FAM111B: variants seen among roughly 807,000 people sequenced by gnomAD.
FAM111B encodes serine protease FAM111B.
In FAM111B, 1 loss-of-function variant was observed where a neutral mutation model predicts 2.8. That is an observed-to-expected ratio of 0.36 (90% CI 0.13 to 1.70). FAM111B has a LOEUF of 1.70. Among genes scored for constraint, FAM111B ranks in the 40% most tolerant of loss-of-function variants. The pLI is 0.35. For synonymous variants in FAM111B, 297 were observed against 295.6 expected, an observed-to-expected ratio of 1.00 and a Z score of -0.05; for missense variants, 882 against 878.9, an observed-to-expected ratio of 1.00 and a Z score of -0.04.
At chr11:59,114,876 G>A (rs1279205757) in intron 3 of FAM111B, among the ~76,000 whole-genome samples, 1 of 152,090 alleles carries the variant, frequency 6.6e-6, no homozygotes, top group African/African-American at 2.4e-5. Flanking sequence ...AATGGCGGAG[G>A]CTGTTTTGGA....
Position 59,125,153 on chromosome 11 carries a change from T to C in FAM111B, c.1056T>C (p.Ser352=). ...GGATTAGAAATTATTACTTTTGTAG[T>C]TTGCCCCGAAAATATAGGCAAATAA... The part of the protein sequence containing the change: ...IPRIRNYYFC[S]LPRKYRQINS... Residue 352 remains serine (S), a synonymous_variant, in exon 4 of 4, where the codon AGT becomes AGC. Transcript: ENST00000343597. 1.2e-6 allele frequency: 2 copies of C among 1,613,938 alleles called. No individual in the cohort carries two copies. The highest frequency in any genetic ancestry group is 1.7e-6 in the Non-Finnish European group (2 of 1,179,866).
chr11:59,109,893 T>A, intron 3 of FAM111B, 187 bp downstream of exon 3: 1 of 380,894 alleles, frequency 2.6e-6, no homozygotes, highest in Non-Finnish European at 4.7e-6. Flanking sequence ...TTAACAATGC[T>A]AAACGTATGT....
chr11:59,112,654 A>G (rs1859777971), intron 3 of FAM111B, among the ~76,000 whole-genome samples: 1 of 152,200 alleles, frequency 6.6e-6, no homozygotes, highest in South Asian at 2.1e-4. Context: ...GTTGTTTCAT[A>G]TTCTTGTCAA....
Position 59,126,828 on chromosome 11 carries a change from T to G in FAM111B, c.*526T>G, listed in dbSNP as rs903905620. On this transcript the variant is annotated 3_prime_UTR_variant, in exon 4 of 4. Transcript: ENST00000343597. ...TTAGTTCAGCCATTGTGGAAAGCAG[T>G]TGGGTGATTTCTAAAAGAACTTAAA... 1.9e-5 allele frequency: 3 copies of G among 160,172 alleles called. No individual in the cohort carries two copies. The highest frequency in any genetic ancestry group is 2.9e-5 in the Non-Finnish European group (2 of 68,048). 9.9% of individuals were successfully genotyped at this position (160,172 alleles called of 1,614,324 possible).
At position 59,124,244 on chromosome 11, in the gene FAM111B, G is replaced by A; in HGVS notation, c.147G>A (p.Lys49=). The A allele has an allele frequency of 6.2e-7, 1 of 1,613,826 alleles. No homozygotes were observed. The highest frequency in any genetic ancestry group is 8.5e-7 in the Non-Finnish European group (1 of 1,179,812). The part of the protein sequence containing the change: ...PVDHCLSGIR[K]CSSTFKLKSE... ...ATCATTGTCTATCTGGCATAAGAAA[G>A]TGTAGCAGCACCTTTAAGCTTAAAA... The change falls in exon 4 of 4, where the codon AAG becomes AAA. Residue 49 remains lysine, a synonymous_variant. Coordinates refer to ENST00000343597, the MANE Select transcript of FAM111B (RefSeq NM_198947.4).
At chr11:59,107,339 G>A (rs576914648) in intron 1 of FAM111B, 43 bp downstream of exon 1, 12 of 152,594 alleles carry the variant, frequency 7.9e-5, no homozygotes, top group African/African-American at 2.6e-4. Flanking sequence ...GGAGTTCTTA[G>A]GGGGATGGCT....
intron 3 of FAM111B, among the ~76,000 whole-genome samples, chr11:59,120,162 T>G (rs1859899194): frequency 6.6e-6 from 1 of 152,134 alleles, no homozygotes; most frequent in South Asian, 2.1e-4. Flanking sequence ...GGCATGAAAA[T>G]GAGACATAAA....
chr11:59,110,256 G>C (rs1255768213), intron 3 of FAM111B, among the ~76,000 whole-genome samples: 1 of 152,154 alleles, frequency 6.6e-6, no homozygotes, highest in Non-Finnish European at 1.5e-5. Flanking sequence ...ATAAACAAGT[G>C]ATTTTAGAGT....
chr11:59,119,635 C>A (rs1476393962), intron 3 of FAM111B, among the ~76,000 whole-genome samples: 1 of 152,084 alleles, frequency 6.6e-6, no homozygotes, highest in African/African-American at 2.4e-5. Context: ...CTATTACTAT[C>A]AAATACATAA....
At chr11:59,109,424 T>C (rs964513959) in intron 2 of FAM111B, 116 bp from the exon 3 acceptor site, 28 of 433,262 alleles carry the variant, frequency 6.5e-5, no homozygotes, top group African/African-American at 3.2e-4. Context: ...TAAATAGCCA[T>C]AGGGCTTACC....
chr11:59,122,726 C>A (rs1398270874), intron 3 of FAM111B, among the ~76,000 whole-genome samples: 1 of 152,086 alleles, frequency 6.6e-6, no homozygotes, highest in African/African-American at 2.4e-5. Flanking sequence ...ATATTAATAT[C>A]TGGAGCTTAG....
intron 3 of FAM111B, among the ~76,000 whole-genome samples, chr11:59,111,250 T>C (rs892932262): frequency 6.6e-6 from 1 of 152,176 alleles, no homozygotes; most frequent in Non-Finnish European, 1.5e-5. Flanking sequence ...ACACAAAACC[T>C]TGTGACTGAG....
chr11:59,117,993 G>A (rs1455525223), intron 3 of FAM111B, among the ~76,000 whole-genome samples: 1 of 152,158 alleles, frequency 6.6e-6, no homozygotes, highest in Non-Finnish European at 1.5e-5. Flanking sequence ...GAATTTTCTG[G>A]GATTTAAATA....
At chr11:59,115,643 CT>C in intron 3 of FAM111B, among the ~76,000 whole-genome samples, 1 of 152,182 alleles carries the variant, frequency 6.6e-6, no homozygotes, top group East Asian at 1.9e-4. Flanking sequence ...ATGATGTATG[CT>C]AATATCATTG....
chr11:59,124,305 C>A lies in FAM111B; in HGVS notation c.208C>A (p.Gln70Lys), dbSNP rs752785914. The A allele has an allele frequency of 9.9e-6, 16 of 1,613,670 alleles. No homozygotes were observed. The highest frequency in any genetic ancestry group is 1.3e-5 in the Non-Finnish European group (15 of 1,179,812). ...VNKHETALEMQNPNLNNKECC... is the reference protein window; with the variant it reads ...VNKHETALEMKNPNLNNKECC... The stretch of plus-strand genomic sequence containing the variant: ...CAAGCATGAAACAGCCCTTGAAATG[C>A]AGAATCCAAATTTGAACAATAAAGA... The change falls in exon 4 of 4, where the codon CAG becomes AAG. Residue 70 changes from glutamine to lysine, a missense_variant. Gln to Lys is a moderately conservative substitution (Grantham distance 53). Coordinates refer to ENST00000343597, the MANE Select transcript of FAM111B (RefSeq NM_198947.4).
At chr11:59,115,026 GGTGCTTGTTGACTGACCAATAGGTCTA>G (rs1211368232) in intron 3 of FAM111B, among the ~76,000 whole-genome samples, 1 of 152,078 alleles carries the variant, frequency 6.6e-6, no homozygotes, top group African/African-American at 2.4e-5. Context: ...GAGATGGGAG[GGTGCTTGTTGACTGACCAATAGGTCTA>G]GTGCTTGTTG....
rs746781268 is a variant in FAM111B, at chr11:59,126,263, A to T, written c.2166A>T (p.Ser722=). 1.3e-6 allele frequency: 2 copies of T among 1,578,966 alleles called. No homozygotes were observed. Among genetic ancestry groups the T allele is most frequent in the Non-Finnish European group, 1.7e-6 (2 of 1,167,564 alleles). The change falls in exon 4 of 4, where the codon TCA becomes TCT. Residue 722 remains serine, a synonymous_variant. Coordinates refer to ENST00000343597, the MANE Select transcript of FAM111B (RefSeq NM_198947.4). ...ATGAAGAGAAAGGTAAACAAGAGTC[A>T]TCACTTCAAGATCATCAGATTGAAC... is the stretch of plus-strand genomic sequence containing the variant. ...TYDEEKGKQE[S]SLQDHQIEPM...
intron 2 of FAM111B, among the ~76,000 whole-genome samples, chr11:59,108,986 T>C (rs1859711564): frequency 6.6e-6 from 1 of 152,152 alleles, no homozygotes; most frequent in South Asian, 2.1e-4. Flanking sequence ...TTTTATTTAT[T>C]AGGTGGGAGC....
At chr11:59,122,799 G>A (rs1318571126) in intron 3 of FAM111B, among the ~76,000 whole-genome samples, 1 of 152,032 alleles carries the variant, frequency 6.6e-6, no homozygotes, top group African/African-American at 2.4e-5. Flanking sequence ...TGAGGTGATA[G>A]GAGAGCCCCA....
Sources: allele counts gnomAD v4.1 joint callset (sites outside exome capture counted in the v4.1 genomes callset), GRCh38; gene constraint gnomAD v4.1.1; transcripts MANE v1.5; gene names NCBI Gene and HGNC (gene_info 2026-07-23, HGNC 2026-07-21).